Variants in KIRREL3 observed in about 807,000 individuals in gnomAD.
KIRREL3 encodes the protein kirre like nephrin family adhesion molecule 3.
In KIRREL3, 36 loss-of-function variants were observed where a neutral mutation model predicts 89.7. The ratio of observed to expected loss-of-function variants is 0.40; its 90% CI spans 0.31 to 0.53. The LOEUF (loss-of-function observed/expected upper bound fraction) is 0.53. KIRREL3 is among the 20% of genes least tolerant of loss of function. KIRREL3 has a pLI of 0.49. For synonymous variants in KIRREL3, 445 were observed against 441.4 expected (o/e 1.01, Z -0.10); for missense variants, 864 against 1,056.6 (o/e 0.82, Z 2.53).
intron 1 of KIRREL3, among the ~76,000 whole-genome samples, chr11:126,801,360 T>C (rs1357710463): frequency 6.6e-6 from 1 of 152,210 alleles, no homozygotes. Flanking sequence ...CCATGTGAGC[T>C]GCTGGAGTAA....
chr11:126,640,968 TC>T lies in KIRREL3; in HGVS notation c.56-78057del. Among the ~76,000 whole-genome samples, 1 of 152,266 alleles carries T rather than the reference TC, an allele frequency of 6.6e-6. No individual in the cohort carries two copies. Among genetic ancestry groups the T allele is most frequent in the Middle Eastern group, 3.4e-3 (1 of 294 alleles). ...GACCACCCCCTAAACTCTGGACTCA[TC>T]TATCCAATTGCCTAGTTCTCCCCTC... On this transcript the variant is annotated intron_variant, in intron 1 of 16. Coordinates refer to ENST00000525144, the MANE Select transcript of KIRREL3 (RefSeq NM_032531.4). This position sits in a 1 kb window ranked among gnomAD's most constrained non-coding sequence, Gnocchi z 4.9.
intron 1 of KIRREL3, among the ~76,000 whole-genome samples, chr11:126,869,366 G>T (rs1013211763): frequency 6.6e-6 from 1 of 152,032 alleles, no homozygotes; most frequent in Non-Finnish European, 1.5e-5. Context: ...AACCGTTGCT[G>T]CCTACCTTCA....
At chr11:126,466,715 C>T (rs1175137264) in intron 5 of KIRREL3, among the ~76,000 whole-genome samples, 1 of 152,234 alleles carries the variant, frequency 6.6e-6, no homozygotes, top group Non-Finnish European at 1.5e-5. Flanking sequence ...AACATTCTAT[C>T]ATCTGCAGGT....
intron 1 of KIRREL3, among the ~76,000 whole-genome samples, chr11:126,925,876 ACAGT>A (rs1947693319): frequency 6.6e-6 from 1 of 152,314 alleles, no homozygotes; most frequent in African/African-American, 2.4e-5. Flanking sequence ...TCTATCTGTG[ACAGT>A]CAGAGAACAG....
intron 1 of KIRREL3, among the ~76,000 whole-genome samples, chr11:126,667,157 A>G (rs968514589): frequency 5.3e-5 from 8 of 152,262 alleles, no homozygotes; most frequent in Admixed American, 1.3e-4. Flanking sequence ...GAAAGTCAAG[A>G]GTTACAGGAA....
In KIRREL3 at chr11:126,531,522, G is replaced by A. The variant is rs931939086; in HGVS notation, c.134-4835C>T. Among the ~76,000 whole-genome samples the A allele has an allele frequency of 1.5e-4, 23 of 151,960 alleles. No individual in the cohort carries two copies. Among genetic ancestry groups the A allele is most frequent in the Admixed American group, 3.3e-4 (5 of 15,254 alleles). ...AGGTCACCTGCCTCGAGTTCTCCTCGATGTTTCATTGTCCTGGGATGCACT... is the reference window on the plus strand; with the variant it reads ...AGGTCACCTGCCTCGAGTTCTCCTCAATGTTTCATTGTCCTGGGATGCACT... On this transcript the variant is annotated intron_variant, in intron 2 of 16. Transcript: ENST00000525144. This position sits in a 1 kb window ranked among gnomAD's most constrained non-coding sequence, Gnocchi z 4.7.
intron 1 of KIRREL3, among the ~76,000 whole-genome samples, chr11:126,810,643 C>T (rs1409207308): frequency 6.6e-6 from 1 of 152,124 alleles, no homozygotes; most frequent in East Asian, 1.9e-4. Flanking sequence ...GCATCCCTAG[C>T]ATTTTAGAGG....
In KIRREL3 at chr11:126,425,623, C is replaced by T. The variant is rs528329405; in HGVS notation, c.1893+15G>A. 62 of 1,564,506 alleles carry T rather than the reference C, an allele frequency of 4.0e-5. No individual in the cohort carries two copies. The Admixed American group carries it at 5.2e-4, about 13-fold the overall frequency. The stretch of plus-strand genomic sequence containing the variant: ...GATTCCATGGCTGTGTCTTATAACC[C>T]GGGGCCCTTCTTACCTTCAGGTTCT... On this transcript the variant is annotated intron_variant, in intron 16 of 16. Coordinates refer to ENST00000525144, the MANE Select transcript of KIRREL3 (RefSeq NM_032531.4).
rs2134125880 is a variant in KIRREL3, at chr11:126,704,184, C to T, written c.56-141272G>A. Among the ~76,000 whole-genome samples the T allele has an allele frequency of 6.6e-6, 1 of 152,360 alleles. No homozygotes were observed. The stretch of plus-strand genomic sequence containing the variant: ...TCTTGCACACACCCACACATTTGCA[C>T]ATGCCCATCCAGCTGAGCAACATGT... On this transcript the variant is annotated intron_variant, in intron 1 of 16. Transcript: ENST00000525144. The surrounding 1 kb of genome is among the most constrained non-coding windows in gnomAD (Gnocchi z 4.2).
At chr11:126,603,090 A>T (rs1248051979) in intron 1 of KIRREL3, among the ~76,000 whole-genome samples, 1 of 152,026 alleles carries the variant, frequency 6.6e-6, no homozygotes, top group Admixed American at 6.6e-5. Flanking sequence ...GGTCTGCCAC[A>T]CTCCAAAAAA....
chr11:126,614,626 G>A lies in KIRREL3; in HGVS notation c.56-51714C>T, dbSNP rs1271220103. On this transcript the variant is annotated intron_variant, in intron 1 of 16. Coordinates refer to ENST00000525144, the MANE Select transcript of KIRREL3 (RefSeq NM_032531.4). The surrounding 1 kb of genome is among the most constrained non-coding windows in gnomAD (Gnocchi z 4.6). ...ACCCCTGGTGCAGGTGATCTCAGATGTCCCTCCAGATTTCTGGTTCCTCAG... is the reference window on the plus strand; with the variant it reads ...ACCCCTGGTGCAGGTGATCTCAGATATCCCTCCAGATTTCTGGTTCCTCAG... 6.6e-6 allele frequency among the ~76,000 whole-genome samples: 1 copy of A among 152,174 alleles called. No homozygotes were observed. Among genetic ancestry groups the A allele is most frequent in the African/African-American group, 2.4e-5 (1 of 41,432 alleles).
At chr11:126,617,332 A>G (rs1943394207) in intron 1 of KIRREL3, among the ~76,000 whole-genome samples, 1 of 152,208 alleles carries the variant, frequency 6.6e-6, no homozygotes, top group Admixed American at 6.5e-5. Flanking sequence ...GAGGGGCAGG[A>G]GGAGAGAGCT....
intron 1 of KIRREL3, among the ~76,000 whole-genome samples, chr11:126,853,650 C>T (rs1346194418): frequency 6.6e-6 from 1 of 152,068 alleles, no homozygotes; most frequent in African/African-American, 2.4e-5. Context: ...CACCCATGCT[C>T]TCTCCAAGTT....
intron 1 of KIRREL3, among the ~76,000 whole-genome samples, chr11:126,591,560 A>T (rs147565737): frequency 8.5e-4 from 129 of 152,294 alleles, no homozygotes; most frequent in African/African-American, 3.0e-3. Flanking sequence ...CCTTGTGTAT[A>T]CCAGCCATGC....
At chr11:126,690,923 G>A (rs554541487) in intron 1 of KIRREL3, among the ~76,000 whole-genome samples, 7 of 152,282 alleles carry the variant, frequency 4.6e-5, no homozygotes, top group Middle Eastern at 3.4e-3. Flanking sequence ...AGTCAGTTAC[G>A]TGTGTGGCAA....
chr11:126,895,832 G>C (rs1210917796), intron 1 of KIRREL3, among the ~76,000 whole-genome samples: 1 of 152,134 alleles, frequency 6.6e-6, no homozygotes, highest in Non-Finnish European at 1.5e-5. Context: ...AGGAACCCCA[G>C]TGACCACATG....
intron 1 of KIRREL3, among the ~76,000 whole-genome samples, chr11:126,670,121 T>C (rs1945869569): frequency 6.6e-6 from 1 of 152,186 alleles, no homozygotes; most frequent in Non-Finnish European, 1.5e-5. Context: ...CAAGCCTCCA[T>C]CAACTCTTGC....
At chr11:126,577,747 G>C (rs569190713) in intron 1 of KIRREL3, among the ~76,000 whole-genome samples, 43 of 151,556 alleles carry the variant, frequency 2.8e-4, no homozygotes, top group Non-Finnish European at 5.6e-4. Context: ...AGGCAACAGA[G>C]TAAGACTCTG....
Position 126,740,333 on chromosome 11 carries a change from A to G in KIRREL3, c.56-177421T>C, listed in dbSNP as rs1449066709. 3.9e-5 allele frequency among the ~76,000 whole-genome samples: 6 copies of G among 152,196 alleles called. No homozygotes were observed. Among genetic ancestry groups the G allele is most frequent in the Non-Finnish European group, 7.3e-5 (5 of 68,048 alleles). On this transcript the variant is annotated intron_variant, in intron 1 of 16. Coordinates refer to ENST00000525144, the MANE Select transcript of KIRREL3 (RefSeq NM_032531.4). This position sits in a 1 kb window ranked among gnomAD's most constrained non-coding sequence, Gnocchi z 6.0. ...ATATGATTTTATAAACAGGATAGAA[A>G]GAAATTAAAGTGCTGCATTGCTAAA...
Sources: allele counts gnomAD v4.1 joint callset (sites outside exome capture counted in the v4.1 genomes callset), GRCh38; gene constraint gnomAD v4.1.1; non-coding constraint Gnocchi (gnomAD v3.1); transcripts MANE v1.5; gene names NCBI Gene and HGNC (gene_info 2026-07-23, HGNC 2026-07-21).